Variants in ASIC2 observed in about 807,000 individuals in gnomAD.
The protein encoded by ASIC2 is acid-sensing ion channel 2.
ASIC2 carries 25 observed loss-of-function variants against 57.3 expected under a neutral mutation model. The observed-to-expected ratio is 0.44, with a 90% CI of 0.32 to 0.61. The LOEUF (loss-of-function observed/expected upper bound fraction) is 0.61. ASIC2 is among the 20% of genes least tolerant of loss of function. The probability of loss-of-function intolerance (pLI) is 0.06; values close to 1 mark genes in which losing one functional copy is unlikely to be tolerated. For synonymous variants in ASIC2, 319 were observed against 307.5 expected (o/e 1.04, Z -0.39); for missense variants, 641 against 738.1 (o/e 0.87, Z 1.52).
chr17:33,550,457 C>T (rs1389693565), intron 1 of ASIC2, among the ~76,000 whole-genome samples: 1 of 152,210 alleles, frequency 6.6e-6, no homozygotes, highest in Non-Finnish European at 1.5e-5. Flanking sequence ...GCAGTGATGT[C>T]ACAGGACCCT....
chr17:33,364,508 G>C (rs761355990), intron 1 of ASIC2, among the ~76,000 whole-genome samples: 9 of 152,104 alleles, frequency 5.9e-5, no homozygotes, highest in Non-Finnish European at 1.0e-4. Context: ...GGATCCTGGG[G>C]GTGGATTCCC....
intron 3 of ASIC2, among the ~76,000 whole-genome samples, chr17:33,035,791 A>G (rs376611570): frequency 2.1e-4 from 32 of 152,330 alleles, no homozygotes; most frequent in African/African-American, 7.2e-4. Flanking sequence ...CTCCCTATCC[A>G]CATACAGTTC....
intron 1 of ASIC2, among the ~76,000 whole-genome samples, chr17:33,496,603 GTTTTTTTTTTTTTTT>G (rs61267122): frequency 4.2e-5 from 3 of 70,996 alleles, no homozygotes; most frequent in African/African-American, 1.9e-4. Context: ...GTTATTGTAG[GTTTTTTTTTTTTTTT>G]TTTTTTTTTT....
At chr17:33,113,780 C>G (rs2092269899) in intron 1 of ASIC2, among the ~76,000 whole-genome samples, 1 of 152,182 alleles carries the variant, frequency 6.6e-6, no homozygotes, top group Admixed American at 6.5e-5. Flanking sequence ...GAGGAGGAAA[C>G]CAAGGCCCAG....
At chr17:33,617,291 A>G (rs1175892801) in intron 1 of ASIC2, among the ~76,000 whole-genome samples, 2 of 152,248 alleles carry the variant, frequency 1.3e-5, no homozygotes, top group African/African-American at 4.8e-5. Flanking sequence ...AATGTGGTAC[A>G]TATATACTGT....
chr17:33,211,597 C>CA (rs1907277185), intron 1 of ASIC2, among the ~76,000 whole-genome samples: 1 of 149,808 alleles, frequency 6.7e-6, no homozygotes, highest in South Asian at 2.1e-4. Context: ...AGCAGGGAAA[C>CA]AGGCAGAGCA....
At chr17:34,080,606 A>C (rs1317009827) in intron 1 of ASIC2, among the ~76,000 whole-genome samples, 1 of 152,230 alleles carries the variant, frequency 6.6e-6, no homozygotes, top group African/African-American at 2.4e-5. Flanking sequence ...AAGGATGGGC[A>C]GCCCCTCTAA....
chr17:33,636,909 C>T (rs1467724075), intron 1 of ASIC2, among the ~76,000 whole-genome samples: 5 of 151,894 alleles, frequency 3.3e-5, no homozygotes, highest in Non-Finnish European at 5.9e-5. Flanking sequence ...CACACCTGTA[C>T]AATTCTCTCC....
intron 3 of ASIC2, among the ~76,000 whole-genome samples, chr17:33,058,662 C>G (rs965541710): frequency 2.0e-5 from 3 of 152,186 alleles, no homozygotes; most frequent in Non-Finnish European, 2.9e-5. Flanking sequence ...CCCCTACTCT[C>G]TCTTCTCTTT....
chr17:33,629,931 G>A (rs1049916583), intron 1 of ASIC2, among the ~76,000 whole-genome samples: 37 of 152,180 alleles, frequency 2.4e-4, no homozygotes, highest in African/African-American at 8.4e-4. Flanking sequence ...TCAGCAAGAC[G>A]AGGAAGGGGC....
chr17:34,099,102 AAGAGAG>A lies in ASIC2; in HGVS notation c.555+56870_555+56875del, dbSNP rs74200841. On this transcript the variant is annotated intron_variant, in intron 1 of 9. Coordinates refer to the ASIC2 transcript ENST00000359872. Reference sequence around the variant, plus strand: ...GAGCAGCAGCTACATTAAGAGAGAAAAGAGAGAGAGAGAGAGAGAGAGAGAGAGAGA... The same window carrying A: ...GAGCAGCAGCTACATTAAGAGAGAAAAGAGAGAGAGAGAGAGAGAGAGAGA... Among the ~76,000 whole-genome samples, 636 of 81,202 alleles carry A rather than the reference AAGAGAG, an allele frequency of 7.8e-3. 8 individuals are homozygous for A. Among genetic ancestry groups the A allele is most frequent in the East Asian group, 0.038 (111 of 2,932 alleles). 53.3% of individuals were successfully genotyped at this position (81,202 alleles called of 152,430 possible).
intron 1 of ASIC2, among the ~76,000 whole-genome samples, chr17:33,983,607 A>G (rs947304084): frequency 1.3e-5 from 2 of 152,124 alleles, no homozygotes; most frequent in Non-Finnish European, 2.9e-5. Context: ...CCTGCTGCCA[A>G]TGTACCATGA....
At chr17:33,068,787 A>T (rs1431581725) in intron 3 of ASIC2, among the ~76,000 whole-genome samples, 1 of 152,164 alleles carries the variant, frequency 6.6e-6, no homozygotes, top group African/African-American at 2.4e-5. Flanking sequence ...ATATCAAAAA[A>T]AATCTTTTGG....
At chr17:33,404,962 G>A (rs1211126264) in intron 1 of ASIC2, among the ~76,000 whole-genome samples, 3 of 151,438 alleles carry the variant, frequency 2.0e-5, no homozygotes, top group Admixed American at 1.3e-4. Flanking sequence ...TGACTTATTT[G>A]ATAAGCAGTG....
chr17:33,981,896 C>T lies in ASIC2; in HGVS notation c.555+174082G>A, dbSNP rs115796758. Among the ~76,000 whole-genome samples the T allele has an allele frequency of 7.9e-3, 1,209 of 152,282 alleles. 10 individuals are homozygous for T. Among genetic ancestry groups the T allele is most frequent in the African/African-American group, 0.027 (1,127 of 41,562 alleles). Reference sequence around the variant, plus strand: ...CACATAGCCTTGTATGAGGAAGTGGCTTGATACAAACTCACTTCCGTCTGA... The same window carrying T: ...CACATAGCCTTGTATGAGGAAGTGGTTTGATACAAACTCACTTCCGTCTGA... On this transcript the variant is annotated intron_variant, in intron 1 of 9. Coordinates refer to the ASIC2 transcript ENST00000359872.
At position 33,266,593 on chromosome 17, in the gene ASIC2, G is replaced by T. The variant is rs566472578; in HGVS notation, c.708+24815C>A. On this transcript the variant is annotated intron_variant, in intron 1 of 9. Transcript: ENST00000225823. ...ATGTGGCAGACCCTGCTGTCCAGTAGTCTGAGCTGTGACCTAGCTTTGAAC... is the reference window on the plus strand; with the variant it reads ...ATGTGGCAGACCCTGCTGTCCAGTATTCTGAGCTGTGACCTAGCTTTGAAC... Among the ~76,000 whole-genome samples the T allele has an allele frequency of 1.6e-4, 21 of 133,296 alleles. No individual in the cohort carries two copies. In the East Asian group the frequency reaches 2.2e-3, roughly 14 times the overall value. The allele number at this position is 133,296 out of a possible 152,430, so 87.4% of individuals were successfully genotyped here.
chr17:33,689,087 A>G (rs1052216375), intron 1 of ASIC2: 4 of 152,248 alleles, frequency 2.6e-5, no homozygotes, highest in African/African-American at 9.6e-5. Flanking sequence ...GAGTGCGAAG[A>G]TAAGTTGTTT....
chr17:33,412,086 A>G (rs1910683680), intron 1 of ASIC2, among the ~76,000 whole-genome samples: 1 of 152,224 alleles, frequency 6.6e-6, no homozygotes, highest in Non-Finnish European at 1.5e-5. Flanking sequence ...TTGAAGCTAC[A>G]TCATTTGGGC....
intron 1 of ASIC2, among the ~76,000 whole-genome samples, chr17:33,248,001 C>T (rs1250667211): frequency 6.6e-6 from 1 of 151,992 alleles, no homozygotes; most frequent in Non-Finnish European, 1.5e-5. Flanking sequence ...ATAGCATGTT[C>T]GAAGGTGATA....
Sources: gnomAD v4.1 joint callset for allele counts (sites outside exome capture counted in the v4.1 genomes callset) on GRCh38, gnomAD v4.1.1 for gene constraint, MANE v1.5 for transcripts, NCBI Gene and HGNC (gene_info 2026-07-23, HGNC 2026-07-21) for gene names.